HMCN2: variants seen among roughly 807,000 people sequenced by gnomAD.
HMCN2 encodes the protein hemicentin-2.
HMCN2 carries 325 observed loss-of-function variants against 377.5 expected under a neutral mutation model. That is an observed-to-expected ratio of 0.86 (90% CI 0.79 to 0.94). The LOEUF (loss-of-function observed/expected upper bound fraction) is 0.94, where lower values mean the gene tolerates loss of function less well. HMCN2 is among the 40% of genes least tolerant of loss of function. The probability of loss-of-function intolerance (pLI) is 0.00; values close to 1 mark genes in which losing one functional copy is unlikely to be tolerated. For missense variants in HMCN2, 4,543 were observed against 4,725.3 expected (o/e 0.96, Z 1.13); for synonymous variants, 2,007 against 2,046.8 (o/e 0.98, Z 0.53).
chr9:130,394,186 C>A lies in HMCN2; in HGVS notation c.10501+178C>A, dbSNP rs1030651424. Among the ~76,000 whole-genome samples the A allele has an allele frequency of 6.6e-6, 1 of 152,092 alleles. No homozygotes were observed. The highest frequency in any genetic ancestry group is 1.5e-5 in the Non-Finnish European group (1 of 67,998). On this transcript the variant is annotated intron_variant, in intron 68 of 97. Coordinates refer to ENST00000683500, the MANE Select transcript of HMCN2 (RefSeq NM_001291815.2). The surrounding 1 kb of genome is among the most constrained non-coding windows in gnomAD (Gnocchi z 5.1). The stretch of plus-strand genomic sequence containing the variant: ...ATGCCTCTCTCACCTTCCTTGCCTG[C>A]GGGGAGTGGGTGGCCGGGCTTTGAT...
At position 130,353,146 on chromosome 9, in the gene HMCN2, C is replaced by A. The variant is rs1839824492; in HGVS notation, c.4805C>A (p.Thr1602Asn). ...RAQSSDAGVY[T>N]CKASNAVGAA... ...CAGAGCTCCGATGCCGGCGTCTACA[C>A]CTGCAAGGCCAGCAATGCTGTGGGG... is the stretch of plus-strand genomic sequence containing the variant. The change falls in exon 31 of 98, where the codon ACC becomes AAC. Residue 1602 changes from threonine to asparagine, a missense_variant. Thr to Asn is a moderately conservative substitution (Grantham distance 65). Coordinates refer to ENST00000683500, the MANE Select transcript of HMCN2 (RefSeq NM_001291815.2). 7.7e-7 allele frequency: 1 copy of A among 1,304,090 alleles called. No homozygotes were observed. The highest frequency in any genetic ancestry group is 1.0e-6 in the Non-Finnish European group (1 of 988,948). 80.8% of individuals were successfully genotyped at this position (1,304,090 alleles called of 1,614,324 possible). A position where few individuals can be genotyped will look rare whatever the true frequency, so the allele number is the denominator to read the frequency against.
At chr9:130,365,544 CG>C (rs1356101401) in intron 41 of HMCN2, 86 bp from the exon 42 acceptor site, 98 of 609,650 alleles carry the variant, frequency 1.6e-4, no homozygotes, top group Non-Finnish European at 1.9e-4. Context: ...AGCAAGGTCA[CG>C]TGACATGTCT....
rs186111977 is a variant in HMCN2, at chr9:130,298,391, G to T, written c.1013-634G>T. 3.3e-3 allele frequency among the ~76,000 whole-genome samples: 501 copies of T among 152,272 alleles called. 2 individuals are homozygous for T. The highest frequency in any genetic ancestry group is 5.6e-3 in the Non-Finnish European group (382 of 68,020). On this transcript the variant is annotated intron_variant, in intron 7 of 97. Coordinates refer to ENST00000683500, the MANE Select transcript of HMCN2 (RefSeq NM_001291815.2). ...TTTAAAAAATTAGCCAGGTATAGTG[G>T]TGCATACCTGTAGTCTCAGCTACTC...
Position 130,414,468 on chromosome 9 carries a change from T to C in HMCN2, c.12961+3816T>C, listed in dbSNP as rs988478462. 1.3e-5 allele frequency among the ~76,000 whole-genome samples: 2 copies of C among 152,016 alleles called. No homozygotes were observed. Among genetic ancestry groups the C allele is most frequent in the Non-Finnish European group, 2.9e-5 (2 of 68,010 alleles). On this transcript the variant is annotated intron_variant, in intron 85 of 97. Coordinates refer to ENST00000683500, the MANE Select transcript of HMCN2 (RefSeq NM_001291815.2). The surrounding 1 kb of genome is among the most constrained non-coding windows in gnomAD (Gnocchi z 4.4). ...CAAAAACGGAAGATTTAAATAAAAATCCGAGTCTTACAATACTGAAACTCA... is the reference window on the plus strand; with the variant it reads ...CAAAAACGGAAGATTTAAATAAAAACCCGAGTCTTACAATACTGAAACTCA...
chr9:130,384,815 C>T lies in HMCN2; in HGVS notation c.9106+17C>T. On this transcript the variant is annotated intron_variant, in intron 59 of 97. Coordinates refer to ENST00000683500, the MANE Select transcript of HMCN2 (RefSeq NM_001291815.2). ...GTGTTCTGGGTATGTCCATGTCTGTCCCCAACTTGTACTGTCCCCACTCCT... is the reference window on the plus strand; with the variant it reads ...GTGTTCTGGGTATGTCCATGTCTGTTCCCAACTTGTACTGTCCCCACTCCT... The T allele has an allele frequency of 7.8e-7, 1 of 1,290,198 alleles. No individual in the cohort carries two copies. Among genetic ancestry groups the T allele is most frequent in the South Asian group, 1.2e-5 (1 of 80,724 alleles). The allele number at this position is 1,290,198 out of a possible 1,614,324, so 79.9% of individuals were successfully genotyped here.
intron 30 of HMCN2, among the ~76,000 whole-genome samples, chr9:130,352,708 G>T (rs950107932): frequency 6.6e-6 from 1 of 151,164 alleles, no homozygotes; most frequent in South Asian, 2.1e-4. Context: ...CTGTGGCCCC[G>T]CCCCCACCTC....
At chr9:130,280,932 T>C (rs1835083443) in intron 1 of HMCN2, among the ~76,000 whole-genome samples, 1 of 151,914 alleles carries the variant, frequency 6.6e-6, no homozygotes, top group African/African-American at 2.4e-5. Context: ...GGTGAAACTC[T>C]GTTTCTACTA....
At chr9:130,391,814 A>G in intron 65 of HMCN2, 121 bp from the exon 66 acceptor site, 1 of 618,166 alleles carries the variant, frequency 1.6e-6, no homozygotes, top group Non-Finnish European at 2.0e-6. Context: ...ATCCTTCACA[A>G]GGGACCACTG....
At chr9:130,390,773 A>G (rs1320971484) in intron 62 of HMCN2, among the ~76,000 whole-genome samples, 1 of 152,034 alleles carries the variant, frequency 6.6e-6, no homozygotes, top group Non-Finnish European at 1.5e-5. Flanking sequence ...GCTGGGCCTG[A>G]GAGCAAATCC....
At position 130,361,945 on chromosome 9, in the gene HMCN2, G is replaced by C. The variant is rs116786860; in HGVS notation, c.5951-63G>C. On this transcript the variant is annotated intron_variant, in intron 38 of 97. Coordinates refer to ENST00000683500, the MANE Select transcript of HMCN2 (RefSeq NM_001291815.2). The surrounding 1 kb of genome is among the most constrained non-coding windows in gnomAD (Gnocchi z 4.8). ...TGCTCCTGCAGGGGTGCCCAGCCAG[G>C]GGCCCTGCCTGCTTTGCCCCAGTGG... 1 of 974,118 alleles carries C rather than the reference G, an allele frequency of 1.0e-6. No individual in the cohort carries two copies. Among genetic ancestry groups the C allele is most frequent in the Non-Finnish European group, 1.2e-6 (1 of 819,468 alleles). The allele number at this position is 974,118 out of a possible 1,614,324, so 60.3% of individuals were successfully genotyped here. A position where few individuals can be genotyped will look rare whatever the true frequency, so the allele number is the denominator to read the frequency against.
chr9:130,359,933 T>A (rs1348726709), intron 37 of HMCN2, among the ~76,000 whole-genome samples: 1 of 152,150 alleles, frequency 6.6e-6, no homozygotes, highest in Non-Finnish European at 1.5e-5. Flanking sequence ...TCCGGGGACA[T>A]GTCCCGGCAG....
chr9:130,339,229 T>G (rs1838921815), intron 23 of HMCN2, among the ~76,000 whole-genome samples: 1 of 152,156 alleles, frequency 6.6e-6, no homozygotes, highest in African/African-American at 2.4e-5. Flanking sequence ...AAATACAAGT[T>G]TTATTGGAAC....
chr9:130,301,640 TC>T lies in HMCN2; in HGVS notation c.1277-1209del, dbSNP rs1185534497. Among the ~76,000 whole-genome samples the T allele has an allele frequency of 1.7e-4, 26 of 151,490 alleles. No individual in the cohort carries two copies. In the East Asian group the frequency reaches 3.1e-3, roughly 18 times the overall value. ...ACGTGGCTGGATGGTCAGACACCCCTCCCCCCCCGGGACAGATGTGGCAGGG... is the reference window on the plus strand; with the variant it reads ...ACGTGGCTGGATGGTCAGACACCCCTCCCCCCCGGGACAGATGTGGCAGGG... On this transcript the variant is annotated intron_variant, in intron 8 of 97. Transcript: ENST00000683500.
At chr9:130,379,036 G>A (rs1232417273) in intron 53 of HMCN2, among the ~76,000 whole-genome samples, 1 of 152,144 alleles carries the variant, frequency 6.6e-6, no homozygotes, top group Non-Finnish European at 1.5e-5. Flanking sequence ...AGCTGCTTAG[G>A]GAATGAGCCT....
At position 130,391,370 on chromosome 9, in the gene HMCN2, C is replaced by A; in HGVS notation, c.9827+7C>A. 1.0e-6 allele frequency: 1 copy of A among 987,734 alleles called. No homozygotes were observed. The highest frequency in any genetic ancestry group is 1.2e-6 in the Non-Finnish European group (1 of 830,128). The allele number at this position is 987,734 out of a possible 1,614,324, so 61.2% of individuals were successfully genotyped here. A position where few individuals can be genotyped will look rare whatever the true frequency, so the allele number is the denominator to read the frequency against. ...ACATGGGCCCCCACCTCCGGTAAGA[C>A]TTGGCCCATGCCCTCCCCAGAGGCG... On this transcript the variant is annotated splice_region_variant and intron_variant, in intron 64 of 97. Transcript: ENST00000683500.
chr9:130,362,855 C>G lies in HMCN2; in HGVS notation c.6109-12C>G. ...ACAGTTGCCTAATTTGGGCTTCCCC[C>G]TGGGGTCACAGGTCTTCCCTGGGGG... On this transcript the variant is annotated splice_polypyrimidine_tract_variant and intron_variant, in intron 39 of 97. Transcript: ENST00000683500. 1 of 985,918 alleles carries G rather than the reference C, an allele frequency of 1.0e-6. No homozygotes were observed. The highest frequency in any genetic ancestry group is 4.7e-5 in the South Asian group (1 of 21,298). The allele number at this position is 985,918 out of a possible 1,614,324, so 61.1% of individuals were successfully genotyped here. A position where few individuals can be genotyped will look rare whatever the true frequency, so the allele number is the denominator to read the frequency against.
chr9:130,345,482 G>T (rs1179394285), intron 25 of HMCN2, among the ~76,000 whole-genome samples: 1 of 150,558 alleles, frequency 6.6e-6, no homozygotes, highest in Non-Finnish European at 1.5e-5. Context: ...TGGTGTGTGT[G>T]TTGTTTGGTA....
intron 66 of HMCN2, among the ~76,000 whole-genome samples, chr9:130,392,866 G>A (rs532823327): frequency 1.5e-3 from 223 of 151,980 alleles, no homozygotes; most frequent in Non-Finnish European, 2.3e-3. Flanking sequence ...CCTGGTGGCG[G>A]GCGCCTGTAG....
At chr9:130,358,558 AGT>A in intron 36 of HMCN2, 72 bp downstream of exon 36, 1 of 1,282,770 alleles carries the variant, frequency 7.8e-7, no homozygotes, top group East Asian at 5.6e-5. Context: ...TTGGGGCTGA[AGT>A]GTGTGGCGAG....
Sources: gnomAD v4.1 joint callset for allele counts (sites outside exome capture counted in the v4.1 genomes callset) on GRCh38, gnomAD v4.1.1 for gene constraint, Gnocchi (gnomAD v3.1) non-coding constraint, MANE v1.5 for transcripts, NCBI Gene and HGNC (gene_info 2026-07-23, HGNC 2026-07-21) for gene names.